Variants in TFPI observed in about 807,000 individuals in gnomAD.
TFPI encodes the protein tissue factor pathway inhibitor.
A neutral mutation model predicts 34.6 loss-of-function variants in TFPI; 15 were observed. The observed-to-expected ratio is 0.43, with a 90% CI of 0.29 to 0.67. The LOEUF (loss-of-function observed/expected upper bound fraction) is 0.67, where lower values mean the gene tolerates loss of function less well. Among genes scored for constraint, TFPI ranks in the 30% least tolerant of loss-of-function variants. The pLI is 0.15. For missense variants in TFPI, 301 were observed against 364.0 expected (o/e 0.83, Z 1.41); for synonymous variants, 105 against 120.1 (o/e 0.87, Z 0.82).
chr2:187,496,607 G>A lies in TFPI; in HGVS notation c.319+274C>T, dbSNP rs1353261530. 4.6e-5 allele frequency among the ~76,000 whole-genome samples: 7 copies of A among 152,038 alleles called. No homozygotes were observed. The East Asian group carries it at 9.6e-4, about 21-fold the overall frequency. On this transcript the variant is annotated intron_variant, in intron 3 of 7. Transcript: ENST00000233156. ...TGATAGTTGAACATGCAAGTTGACC[G>A]TACCTAAAATTTGATAATTTGCTTT... is the stretch of plus-strand genomic sequence containing the variant.
intron 3 of TFPI, among the ~76,000 whole-genome samples, chr2:187,493,706 C>T (rs1048540337): frequency 6.6e-6 from 1 of 152,184 alleles, no homozygotes; most frequent in African/African-American, 2.4e-5. Flanking sequence ...ATCATTTCTT[C>T]AAGTTCAACA....
chr2:187,518,073 A>G (rs1417345334), intron 1 of TFPI: 4 of 152,144 alleles, frequency 2.6e-5, no homozygotes, highest in Admixed American at 6.5e-5. Flanking sequence ...GAGCATACCA[A>G]TGGGTCTTGA....
chr2:187,512,137 T>C (rs897975449), intron 1 of TFPI, among the ~76,000 whole-genome samples: 4 of 152,146 alleles, frequency 2.6e-5, no homozygotes, highest in Non-Finnish European at 4.4e-5. Flanking sequence ...TCAAAAATCC[T>C]TGACCCAGTA....
At chr2:187,550,958 A>C (rs958565001) in intron 1 of TFPI, among the ~76,000 whole-genome samples, 1 of 152,136 alleles carries the variant, frequency 6.6e-6, no homozygotes, top group African/African-American at 2.4e-5. Flanking sequence ...ATAAGGGTCA[A>C]GAAGAGGAGA....
chr2:187,554,036 T>C (rs1280205077), intron 1 of TFPI, 164 bp downstream of exon 1: 1 of 152,218 alleles, frequency 6.6e-6, no homozygotes, highest in Non-Finnish European at 1.5e-5. Flanking sequence ...GGATTGCAGT[T>C]TGAGTTTACT....
intron 1 of TFPI, among the ~76,000 whole-genome samples, chr2:187,548,159 G>A (rs1417080019): frequency 6.6e-6 from 1 of 152,066 alleles, no homozygotes; most frequent in Non-Finnish European, 1.5e-5. Flanking sequence ...GCTTATTCAA[G>A]TATAATGATA....
chr2:187,468,733 G>A (rs1691859343), intron 6 of TFPI, among the ~76,000 whole-genome samples: 1 of 152,088 alleles, frequency 6.6e-6, no homozygotes, highest in Non-Finnish European at 1.5e-5. Flanking sequence ...AGTTTCAGCT[G>A]AATGTTAGTT....
chr2:187,554,010 C>T (rs1574552451), intron 1 of TFPI, 190 bp downstream of exon 1: 1 of 152,134 alleles, frequency 6.6e-6, no homozygotes, highest in East Asian at 1.9e-4. Flanking sequence ...ATGCAAAATG[C>T]TGAGAACTCA....
In TFPI at chr2:187,466,960, T is replaced by G; in HGVS notation, c.891A>C (p.Glu297Asp). The G allele has an allele frequency of 6.4e-7, 1 of 1,574,482 alleles. No homozygotes were observed. Among genetic ancestry groups the G allele is most frequent in the Non-Finnish European group, 8.7e-7 (1 of 1,154,184 alleles). ...RKKQRVKIAY[E>D]EIFVKNM ...TTCACATATTTTTAACAAAAATTTCTTCATATGCTATTTTCACTCTCTGCT... is the reference window on the plus strand; with the variant it reads ...TTCACATATTTTTAACAAAAATTTCGTCATATGCTATTTTCACTCTCTGCT... The change falls in exon 8 of 8, where the codon GAA (glutamate) becomes GAC (aspartate). Residue 297 changes from glutamate (E) to aspartate (D), a missense_variant. Coordinates refer to ENST00000233156, the MANE Select transcript of TFPI (RefSeq NM_006287.6).
At chr2:187,508,917 A>AT (rs1311155569) in intron 1 of TFPI, among the ~76,000 whole-genome samples, 2 of 152,158 alleles carry the variant, frequency 1.3e-5, no homozygotes, top group African/African-American at 4.8e-5. Flanking sequence ...ATTCCATATG[A>AT]TATTGGCTGT....
chr2:187,484,613 A>T lies in TFPI; in HGVS notation c.535+198T>A, dbSNP rs911848708. 7.6e-6 allele frequency: 4 copies of T among 529,054 alleles called. No homozygotes were observed. In the African/African-American group the frequency reaches 8.1e-5, roughly 11 times the overall value. The allele number at this position is 529,054 out of a possible 1,614,324, so 32.8% of individuals were successfully genotyped here. A position where few individuals can be genotyped will look rare whatever the true frequency, so the allele number is the denominator to read the frequency against. On this transcript the variant is annotated intron_variant, in intron 5 of 7. Transcript: ENST00000233156. ...AATTAAATAATGCAACATAAAAAGT[A>T]TTAGATCTATGAAAATAATTTCTTA... is the stretch of plus-strand genomic sequence containing the variant.
chr2:187,484,488 G>A, intron 5 of TFPI: 1 of 492,056 alleles, frequency 2.0e-6, no homozygotes, highest in Non-Finnish European at 3.5e-6. Context: ...ACTTTAGGTG[G>A]TGGTTTTCAG....
At chr2:187,486,224 A>G (rs1693248482) in intron 4 of TFPI, among the ~76,000 whole-genome samples, 1 of 151,620 alleles carries the variant, frequency 6.6e-6, no homozygotes, top group African/African-American at 2.4e-5. Flanking sequence ...GGGGAAAGGA[A>G]TAAAACAATT....
In TFPI at chr2:187,503,743, T is replaced by C; in HGVS notation, c.26A>G (p.His9Arg). 1.2e-6 allele frequency: 2 copies of C among 1,613,068 alleles called. No homozygotes were observed. The highest frequency in any genetic ancestry group is 1.7e-6 in the Non-Finnish European group (2 of 1,179,300). MIYTMKKV[H>R]ALWASVCLLL... is the part of the protein sequence containing the mutation. ...CAGGCATACAGAAGCCCAAAGTGCATGTACTTTCTTCATTGTGTAAATCAT... is the reference window on the plus strand; with the variant it reads ...CAGGCATACAGAAGCCCAAAGTGCACGTACTTTCTTCATTGTGTAAATCAT... The change falls in exon 2 of 8, where the codon CAT becomes CGT. Residue 9 changes from histidine to arginine, a missense_variant. By Grantham distance (29) the His-to-Arg change is conservative (BLOSUM62 0). Coordinates refer to ENST00000233156, the MANE Select transcript of TFPI (RefSeq NM_006287.6).
intron 7 of TFPI, 25 bp from the exon 8 acceptor site, chr2:187,467,067 A>T (rs563534751): frequency 7.3e-7 from 1 of 1,373,404 alleles, no homozygotes. Flanking sequence ...GGAATAAATT[A>T]ATGTGTGATA....
rs575406162 is a variant in TFPI at position 187,534,037 on chromosome 2, T to C, written c.-3+20163A>G. 5.3e-4 allele frequency among the ~76,000 whole-genome samples: 81 copies of C among 151,562 alleles called. 1 individual carries two copies. The highest frequency in any genetic ancestry group is 1.9e-3 in the African/African-American group (79 of 41,350). ...AGAGAAAAAAAAGAATGAAAAGGAA[T>C]GAAGAAAGCCTCCAAGAAATATGAG... On this transcript the variant is annotated intron_variant, in intron 1 of 7. Transcript: ENST00000233156.
At chr2:187,540,077 T>A (rs1250099161) in intron 1 of TFPI, among the ~76,000 whole-genome samples, 1 of 151,970 alleles carries the variant, frequency 6.6e-6, no homozygotes. Context: ...TTTGTTGTCG[T>A]ATTTTAGTAT....
chr2:187,542,827 A>G (rs1041436784), intron 1 of TFPI, among the ~76,000 whole-genome samples: 2 of 148,778 alleles, frequency 1.3e-5, no homozygotes, highest in Admixed American at 6.9e-5. Flanking sequence ...AGATTGTGCC[A>G]CTGCACTCCA....
intron 1 of TFPI, among the ~76,000 whole-genome samples, chr2:187,521,680 T>C (rs746051428): frequency 7.2e-5 from 11 of 152,080 alleles, no homozygotes; most frequent in South Asian, 4.1e-4. Context: ...GTGATTCTCC[T>C]GCCTCAGCAT....
Sources: gnomAD v4.1 joint callset for allele counts (sites outside exome capture counted in the v4.1 genomes callset) on GRCh38, gnomAD v4.1.1 for gene constraint, MANE v1.5 for transcripts, NCBI Gene and HGNC (gene_info 2026-07-23, HGNC 2026-07-21) for gene names.